Variants in MICU3 observed in about 807,000 individuals in gnomAD.
MICU3 encodes calcium uptake protein 3, mitochondrial.
A neutral mutation model predicts 66.5 loss-of-function variants in MICU3; 62 were observed. That is an observed-to-expected ratio of 0.93 (90% confidence interval 0.76 to 1.15). The LOEUF is 1.15. MICU3 is among the 50% of genes most tolerant of loss of function. The probability of loss-of-function intolerance (pLI) is 0.00; values close to 1 mark genes in which losing one functional copy is unlikely to be tolerated. For synonymous variants in MICU3, 308 were observed against 240.7 expected, an observed-to-expected ratio of 1.28 and a Z score of -2.59; for missense variants, 779 against 664.4, an observed-to-expected ratio of 1.17 and a Z score of -1.90.
intron 3 of MICU3, 55 bp from the exon 4 acceptor site, chr8:17,077,728 C>T (rs1002093176): frequency 1.6e-6 from 2 of 1,217,376 alleles, no homozygotes; most frequent in African/African-American, 1.5e-5. Flanking sequence ...TGTTTTTGAT[C>T]TATTTTATTA....
chr8:17,128,410 A>G, the MICU3 span, among the ~76,000 whole-genome samples: 1 of 152,240 alleles, frequency 6.6e-6, no homozygotes, highest in African/African-American at 2.4e-5. Flanking sequence ...GACTGCAGAA[A>G]ATGCATATGT....
At chr8:17,052,869 A>G (rs1282286142) in intron 1 of MICU3, among the ~76,000 whole-genome samples, 1 of 152,198 alleles carries the variant, frequency 6.6e-6, no homozygotes, top group African/African-American at 2.4e-5. Context: ...TAGCTACTTG[A>G]ATAGAATCCC....
chr8:17,035,594 A>AATT (rs991955558), intron 1 of MICU3, among the ~76,000 whole-genome samples: 47 of 152,288 alleles, frequency 3.1e-4, no homozygotes, highest in Middle Eastern at 3.4e-3. Context: ...GATTTGTGGA[A>AATT]TTTTGAACTT....
At chr8:17,091,162 T>C (rs1381328230) in intron 8 of MICU3, among the ~76,000 whole-genome samples, 3 of 152,114 alleles carry the variant, frequency 2.0e-5, no homozygotes, top group African/African-American at 7.2e-5. Context: ...CTTTCAGACT[T>C]TTCTTGTCTT....
intron 1 of MICU3, among the ~76,000 whole-genome samples, chr8:17,054,681 C>A (rs2150582187): frequency 6.6e-6 from 1 of 151,718 alleles, no homozygotes; most frequent in African/African-American, 2.4e-5. Flanking sequence ...CAACATCTCT[C>A]AACATTCAAG....
intron 3 of MICU3, among the ~76,000 whole-genome samples, chr8:17,074,947 T>G (rs1245921889): frequency 6.6e-6 from 1 of 152,094 alleles, no homozygotes; most frequent in Non-Finnish European, 1.5e-5. Flanking sequence ...TTGTTGCAAG[T>G]TTCGGGGCTC....
At chr8:17,115,156 T>A (rs1802569738) in intron 12 of MICU3, among the ~76,000 whole-genome samples, 1 of 151,842 alleles carries the variant, frequency 6.6e-6, no homozygotes, top group Admixed American at 6.6e-5. Flanking sequence ...AGGCTATTAT[T>A]ATGTTCTAGA....
At chr8:17,114,292 C>T (rs1451472268) in intron 12 of MICU3, 91 bp downstream of exon 12, 4 of 731,808 alleles carry the variant, frequency 5.5e-6, no homozygotes, top group Non-Finnish European at 9.0e-6. Flanking sequence ...TATGACATAT[C>T]ACCCATCAAC....
intron 7 of MICU3, among the ~76,000 whole-genome samples, chr8:17,090,233 T>C (rs1799907640): frequency 6.6e-6 from 1 of 152,106 alleles, no homozygotes; most frequent in Non-Finnish European, 1.5e-5. Flanking sequence ...TGCGGAAGCA[T>C]GTCCAAATCA....
At position 17,090,596 on chromosome 8, in the gene MICU3, A is replaced by T; in HGVS notation, c.888+12A>T. 1.3e-6 allele frequency: 2 copies of T among 1,594,312 alleles called. No homozygotes were observed. The highest frequency in any genetic ancestry group is 1.7e-6 in the Non-Finnish European group (2 of 1,166,900). ...CTCCTACTAATAGTGTATGTACAATACTTTAAATGTTCTTTATGTATATAG... is the reference window on the plus strand; with the variant it reads ...CTCCTACTAATAGTGTATGTACAATTCTTTAAATGTTCTTTATGTATATAG... On this transcript the variant is annotated intron_variant, in intron 8 of 14. Transcript: ENST00000318063.
chr8:17,065,829 T>A (rs955719290), intron 2 of MICU3, among the ~76,000 whole-genome samples: 1 of 152,130 alleles, frequency 6.6e-6, no homozygotes, highest in Non-Finnish European at 1.5e-5. Context: ...AATATTTGAT[T>A]GCAAAAGAGA....
intron 1 of MICU3, among the ~76,000 whole-genome samples, chr8:17,059,814 A>G (rs1417333786): frequency 2.0e-5 from 3 of 152,202 alleles, no homozygotes; most frequent in African/African-American, 7.2e-5. Flanking sequence ...GAAGAAAACT[A>G]CAAAACTTTA....
intron 1 of MICU3, among the ~76,000 whole-genome samples, chr8:17,061,836 G>C (rs777939166): frequency 6.6e-6 from 1 of 152,218 alleles, no homozygotes; most frequent in Non-Finnish European, 1.5e-5. Context: ...GGACCATTCA[G>C]GGAGATGATT....
intron 1 of MICU3, among the ~76,000 whole-genome samples, chr8:17,030,468 C>T (rs1428771486): frequency 6.6e-6 from 1 of 151,532 alleles, no homozygotes; most frequent in African/African-American, 2.4e-5. Flanking sequence ...ATGAGAGGTG[C>T]AGTAGTCTTC....
At chr8:17,083,178 G>A (rs1821448218) in intron 5 of MICU3, among the ~76,000 whole-genome samples, 1 of 152,096 alleles carries the variant, frequency 6.6e-6, no homozygotes, top group Admixed American at 6.6e-5. Flanking sequence ...CTCTTGAGCT[G>A]AGTCAGTTCC....
intron 1 of MICU3, among the ~76,000 whole-genome samples, chr8:17,035,366 T>A (rs1198403378): frequency 6.6e-6 from 1 of 152,186 alleles, no homozygotes; most frequent in Non-Finnish European, 1.5e-5. Flanking sequence ...TGGAACAGTT[T>A]GGAGGGCTTA....
chr8:17,118,080 G>A (rs1325938260), intron 13 of MICU3, among the ~76,000 whole-genome samples: 1 of 152,190 alleles, frequency 6.6e-6, no homozygotes, highest in East Asian at 1.9e-4. Flanking sequence ...GGTGATGCCA[G>A]AAGTACTTGA....
chr8:17,051,043 A>T (rs1197791141), intron 1 of MICU3, among the ~76,000 whole-genome samples: 2 of 152,124 alleles, frequency 1.3e-5, no homozygotes, highest in African/African-American at 4.8e-5. Context: ...TTGGTTACAC[A>T]TAACATTTAA....
At chr8:17,112,117 G>C (rs770474115) in intron 11 of MICU3, among the ~76,000 whole-genome samples, 6 of 152,130 alleles carry the variant, frequency 3.9e-5, no homozygotes, top group Non-Finnish European at 5.9e-5. Flanking sequence ...GGGGATTATA[G>C]GTCCCTCCCT....
Sources: gnomAD v4.1 joint callset for allele counts (sites outside exome capture counted in the v4.1 genomes callset) on GRCh38, gnomAD v4.1.1 for gene constraint, MANE v1.5 for transcripts, NCBI Gene and HGNC (gene_info 2026-07-23, HGNC 2026-07-21) for gene names.